Variants in TRAPPC3L observed in about 807,000 individuals in gnomAD.
TRAPPC3L encodes trafficking protein particle complex subunit 3-like protein.
In TRAPPC3L, 23 loss-of-function variants were observed where a neutral mutation model predicts 23.7. That is an observed-to-expected ratio of 0.97 (90% confidence interval 0.70 to 1.37). The LOEUF (loss-of-function observed/expected upper bound fraction) is 1.37. TRAPPC3L is among the 40% of genes most tolerant of loss of function. TRAPPC3L has a pLI of 0.00. For missense variants in TRAPPC3L, 212 were observed against 216.8 expected (o/e 0.98, Z 0.14); for synonymous variants, 81 against 77.9 (o/e 1.04, Z -0.21).
chr6:116,528,870 T>G (rs1238163945), intron 3 of TRAPPC3L: 2 of 152,258 alleles, frequency 1.3e-5, no homozygotes, highest in African/African-American at 4.8e-5. Flanking sequence ...AATTAGGTTT[T>G]GAGTTAGCCT....
intron 3 of TRAPPC3L, among the ~76,000 whole-genome samples, chr6:116,514,959 T>G (rs949592615): frequency 2.6e-5 from 4 of 152,212 alleles, no homozygotes; most frequent in Non-Finnish European, 5.9e-5. Context: ...ACTTCTGCTT[T>G]TAAGATCCAG....
At chr6:116,515,500 A>G in intron 3 of TRAPPC3L, 1 of 1,251,654 alleles carries the variant, frequency 8.0e-7, no homozygotes, top group Non-Finnish European at 1.1e-6. Context: ...GGTATGTCAA[A>G]GACTGTGGTA....
At chr6:116,545,300 T>G (rs921955009) in intron 1 of TRAPPC3L, among the ~76,000 whole-genome samples, 173 bp downstream of exon 1, 2 of 152,104 alleles carry the variant, frequency 1.3e-5, no homozygotes, top group African/African-American at 4.8e-5. Context: ...TTATTCTTTA[T>G]GTAGGAGATA....
intron 3 of TRAPPC3L, among the ~76,000 whole-genome samples, chr6:116,502,681 C>T (rs1272022566): frequency 6.6e-6 from 1 of 152,196 alleles, no homozygotes; most frequent in Non-Finnish European, 1.5e-5. Context: ...GATTTCTTGG[C>T]AGAAACACTA....
intron 2 of TRAPPC3L, among the ~76,000 whole-genome samples, chr6:116,541,518 G>A (rs1773458450): frequency 6.6e-6 from 1 of 152,162 alleles, no homozygotes; most frequent in Non-Finnish European, 1.5e-5. Flanking sequence ...TGGTTGGAGG[G>A]AGACGGATTT....
At chr6:116,499,808 C>G (rs1272969425) in intron 4 of TRAPPC3L, among the ~76,000 whole-genome samples, 2 of 152,208 alleles carry the variant, frequency 1.3e-5, no homozygotes, top group African/African-American at 4.8e-5. Flanking sequence ...CTCTCATAGC[C>G]TTAATTATAC....
intron 3 of TRAPPC3L, among the ~76,000 whole-genome samples, chr6:116,515,324 T>C (rs1772201549): frequency 6.6e-6 from 1 of 152,186 alleles, no homozygotes; most frequent in Non-Finnish European, 1.5e-5. Context: ...TAATCTATAC[T>C]TTGTACTCTT....
chr6:116,531,154 T>G (rs1714943062), intron 3 of TRAPPC3L, among the ~76,000 whole-genome samples: 1 of 151,950 alleles, frequency 6.6e-6, no homozygotes, highest in Non-Finnish European at 1.5e-5. Flanking sequence ...ATAGCTTGGC[T>G]AGAGCCCTGG....
chr6:116,530,840 A>G (rs1047887986), intron 3 of TRAPPC3L, among the ~76,000 whole-genome samples: 1 of 149,860 alleles, frequency 6.7e-6, no homozygotes, highest in Non-Finnish European at 1.5e-5. Flanking sequence ...ACAAAGAAAA[A>G]CAAACACCAG....
intron 3 of TRAPPC3L, among the ~76,000 whole-genome samples, chr6:116,536,471 G>A (rs1562350990): frequency 6.6e-6 from 1 of 152,294 alleles, no homozygotes; most frequent in East Asian, 1.9e-4. Flanking sequence ...TCCTTCTCTC[G>A]CAAAGGCAGA....
At chr6:116,506,316 A>G (rs1418353129) in intron 3 of TRAPPC3L, among the ~76,000 whole-genome samples, 6 of 152,238 alleles carry the variant, frequency 3.9e-5, no homozygotes, top group African/African-American at 1.4e-4. Flanking sequence ...ACAATGAAAT[A>G]CCATCTCTTG....
chr6:116,511,894 A>G, intron 3 of TRAPPC3L: 1 of 1,613,912 alleles, frequency 6.2e-7, no homozygotes, highest in Non-Finnish European at 8.5e-7. Context: ...TGATCCTGGG[A>G]TTCTTTCTGA....
At chr6:116,515,911 G>A (rs1167261512) in intron 3 of TRAPPC3L, 1 of 1,613,690 alleles carries the variant, frequency 6.2e-7, no homozygotes, top group Non-Finnish European at 8.5e-7. Context: ...TCCACAGAGT[G>A]GTGGACAATG....
chr6:116,496,863 T>C lies in TRAPPC3L; in HGVS notation c.*91A>G. ...TGATTTATAAACCTTTCAAAGCTCA[T>C]GCTATGAAGCAATTCAAAATTTCTA... On this transcript the variant is annotated 3_prime_UTR_variant, in exon 5 of 5. Coordinates refer to ENST00000368602, the MANE Select transcript of TRAPPC3L (RefSeq NM_001139444.3). 1 of 1,408,620 alleles carries C rather than the reference T, an allele frequency of 7.1e-7. No homozygotes were observed. The highest frequency in any genetic ancestry group is 9.3e-7 in the Non-Finnish European group (1 of 1,078,474). 87.3% of individuals were successfully genotyped at this position (1,408,620 alleles called of 1,614,324 possible). A position where few individuals can be genotyped will look rare whatever the true frequency, so the allele number is the denominator to read the frequency against.
At chr6:116,502,189 T>A (rs530382984) in intron 3 of TRAPPC3L, among the ~76,000 whole-genome samples, 49 of 152,252 alleles carry the variant, frequency 3.2e-4, no homozygotes, top group African/African-American at 1.2e-3. Context: ...AATGACCTGA[T>A]GGAGCTGAAA....
intron 4 of TRAPPC3L, 37 bp from the exon 5 acceptor site, chr6:116,497,110 A>G (rs1049377107): frequency 3.3e-6 from 5 of 1,500,684 alleles, no homozygotes; most frequent in Non-Finnish European, 4.4e-6. Flanking sequence ...GTGTCATTCA[A>G]TTAAAAAACA....
intron 3 of TRAPPC3L, chr6:116,522,325 A>C (rs1021058772): frequency 6.6e-6 from 1 of 152,250 alleles, no homozygotes; most frequent in Non-Finnish European, 1.5e-5. Flanking sequence ...CATGAGCTTA[A>C]ATAAATGTTT....
At chr6:116,509,545 T>C (rs994020643) in intron 3 of TRAPPC3L, among the ~76,000 whole-genome samples, 7 of 151,924 alleles carry the variant, frequency 4.6e-5, no homozygotes, top group African/African-American at 1.4e-4. Context: ...AATTGATCTT[T>C]GACAAAGCAT....
chr6:116,496,962 T>A lies in TRAPPC3L; in HGVS notation c.538A>T (p.Lys180Ter), dbSNP rs1294294292. 4.5e-6 allele frequency: 7 copies of A among 1,544,424 alleles called. No homozygotes were observed. The East Asian group carries it at 1.2e-4, about 27-fold the overall frequency. Reference sequence around the variant, plus strand: ...ATTTTCCGTGCTAGTCTTCATTTTTTCCCTCTATATTTTTTCTCGTCTCGC... The same window carrying A: ...ATTTTCCGTGCTAGTCTTCATTTTTACCCTCTATATTTTTTCTCGTCTCGC... Reference protein sequence around the residue: ...KKRDEKKYRGKK With the variant: ...KKRDEKKYRG Residue 180 changes from lysine (K) to a stop codon, truncating the protein, a stop_gained, in exon 5 of 5, where the codon AAA (lysine) becomes TAA (stop). Transcript: ENST00000368602. LOFTEE classifies it high-confidence loss of function.
Sources: gnomAD v4.1 joint callset for allele counts (sites outside exome capture counted in the v4.1 genomes callset) on GRCh38, gnomAD v4.1.1 for gene constraint, MANE v1.5 for transcripts, NCBI Gene and HGNC (gene_info 2026-07-23, HGNC 2026-07-21) for gene names.